Variants in ITGA11 observed in about 807,000 individuals in gnomAD.
ITGA11 encodes integrin alpha-11.
In ITGA11, 97 loss-of-function variants were observed where a neutral mutation model predicts 141.9. That is an observed-to-expected ratio of 0.68 (90% CI 0.58 to 0.81). ITGA11 has a LOEUF of 0.81. ITGA11 is among the 30% of genes least tolerant of loss of function. ITGA11 has a pLI of 0.00. For synonymous variants in ITGA11, 658 were observed against 624.6 expected, an observed-to-expected ratio of 1.05 and a Z score of -0.80; for missense variants, 1,387 against 1,559.2, an observed-to-expected ratio of 0.89 and a Z score of 1.86.
At chr15:68,351,193 C>T (rs923936644) in intron 8 of ITGA11, 65 bp downstream of exon 8, 6 of 1,572,936 alleles carry the variant, frequency 3.8e-6, no homozygotes, top group African/African-American at 1.3e-5. Flanking sequence ...CCTTGGAGTC[C>T]CCAGGGATTT....
chr15:68,318,383 C>T (rs987011484), intron 20 of ITGA11, among the ~76,000 whole-genome samples: 1 of 152,134 alleles, frequency 6.6e-6, no homozygotes, highest in Non-Finnish European at 1.5e-5. Context: ...CAGGGGAAGG[C>T]GGATGCTGGT....
intron 2 of ITGA11, among the ~76,000 whole-genome samples, chr15:68,402,133 T>C (rs923510711): frequency 2.0e-5 from 3 of 151,972 alleles, no homozygotes; most frequent in African/African-American, 7.3e-5. Flanking sequence ...ATCACGAGTG[T>C]TCATGTGGTC....
intron 2 of ITGA11, among the ~76,000 whole-genome samples, chr15:68,396,630 T>C (rs984245825): frequency 3.3e-5 from 5 of 151,296 alleles, no homozygotes; most frequent in South Asian, 4.1e-4. Context: ...TAAACAAAAC[T>C]GTAATTATTT....
chr15:68,309,520 A>G (rs1284261798), intron 26 of ITGA11, among the ~76,000 whole-genome samples: 5 of 152,072 alleles, frequency 3.3e-5, no homozygotes, highest in Admixed American at 2.0e-4. Flanking sequence ...TTTGTAAGCA[A>G]TGATACCAAC....
Position 68,303,337 on chromosome 15 carries a change from A to T in ITGA11, c.3496-207T>A, listed in dbSNP as rs1313817869. On this transcript the variant is annotated intron_variant, in intron 29 of 29. Coordinates refer to ENST00000315757, the MANE Select transcript of ITGA11 (RefSeq NM_001004439.2). This position sits in a 1 kb window ranked among gnomAD's most constrained non-coding sequence, Gnocchi z 5.3. ...CCATGGGCTGCATGCAAGAAGTCAT[A>T]CTAGTGCCCATCTTGCTGTGTGACC... Among the ~76,000 whole-genome samples the T allele has an allele frequency of 6.6e-6, 1 of 152,110 alleles. No homozygotes were observed.
In ITGA11 at chr15:68,301,782, T is replaced by C. The variant is rs1313822224; in HGVS notation, c.*1277A>G. 6.6e-6 allele frequency: 1 copy of C among 152,620 alleles called. No individual in the cohort carries two copies. Among genetic ancestry groups the C allele is most frequent in the African/African-American group, 2.4e-5 (1 of 41,448 alleles). 9.5% of individuals were successfully genotyped at this position (152,620 alleles called of 1,614,324 possible). A position where few individuals can be genotyped will look rare whatever the true frequency, so the allele number is the denominator to read the frequency against. ...TACTATGCACAGGGGGACTGATGCC[T>C]TTCATGTGTCCCCCTTGCATTTCTA... On this transcript the variant is annotated 3_prime_UTR_variant, in exon 30 of 30. Coordinates refer to ENST00000315757, the MANE Select transcript of ITGA11 (RefSeq NM_001004439.2). The surrounding 1 kb of genome is among the most constrained non-coding windows in gnomAD (Gnocchi z 4.4).
At chr15:68,315,557 C>T (rs968036850) in intron 22 of ITGA11, 94 bp downstream of exon 22, 32 of 1,042,202 alleles carry the variant, frequency 3.1e-5, no homozygotes, top group South Asian at 2.6e-4. Flanking sequence ...CGTGGGGCAG[C>T]GGACTCAGTG....
intron 1 of ITGA11, among the ~76,000 whole-genome samples, chr15:68,414,746 T>C (rs531166488): frequency 4.3e-4 from 66 of 152,306 alleles, no homozygotes; most frequent in Non-Finnish European, 6.9e-4. Flanking sequence ...AGATTGGCTT[T>C]TGGGACTGAG....
chr15:68,328,763 C>A lies in ITGA11; in HGVS notation c.1902-501G>T, dbSNP rs886523142. Among the ~76,000 whole-genome samples the A allele has an allele frequency of 1.6e-4, 24 of 152,238 alleles. No individual in the cohort carries two copies. Among genetic ancestry groups the A allele is most frequent in the Middle Eastern group, 3.4e-3 (1 of 294 alleles). ...ATCATGTTAAAATGCAGATTTTGAT[C>A]CAATAGCTTGGCACTGATTTTGCAT... On this transcript the variant is annotated intron_variant, in intron 15 of 29. Coordinates refer to ENST00000315757, the MANE Select transcript of ITGA11 (RefSeq NM_001004439.2). This position sits in a 1 kb window ranked among gnomAD's most constrained non-coding sequence, Gnocchi z 4.8.
At chr15:68,354,945 T>C (rs1298914333) in intron 7 of ITGA11, among the ~76,000 whole-genome samples, 2 of 152,212 alleles carry the variant, frequency 1.3e-5, no homozygotes, top group Non-Finnish European at 2.9e-5. Flanking sequence ...AGTTTGGGAC[T>C]TGAATTTGGA....
At chr15:68,427,122 C>G (rs1488048029) in intron 1 of ITGA11, among the ~76,000 whole-genome samples, 2 of 150,970 alleles carry the variant, frequency 1.3e-5, no homozygotes. Flanking sequence ...TTTTAACTTC[C>G]TATGTGTAAC....
At chr15:68,391,067 G>A (rs959405449) in intron 2 of ITGA11, among the ~76,000 whole-genome samples, 1 of 152,194 alleles carries the variant, frequency 6.6e-6, no homozygotes, top group Non-Finnish European at 1.5e-5. Flanking sequence ...CTGCCCATAC[G>A]ACAGAGAAGA....
intron 7 of ITGA11, among the ~76,000 whole-genome samples, chr15:68,355,448 T>C (rs912968919): frequency 6.9e-6 from 1 of 144,856 alleles, no homozygotes; most frequent in Non-Finnish European, 1.6e-5. Flanking sequence ...TCTTTTTTTC[T>C]TTTTTTCTTT....
In ITGA11 at chr15:68,303,811, G is replaced by GC. The variant is rs759623335; in HGVS notation, c.3455dup (p.Leu1153ProfsTer18). 1 of 1,612,902 alleles carries GC rather than the reference G, an allele frequency of 6.2e-7. No individual in the cohort carries two copies. Among genetic ancestry groups the GC allele is most frequent in the East Asian group, 2.2e-5 (1 of 44,810 alleles). ...GGACCAGCAGGGCCAGCAGTAGGAG[G>GC]CCCCCCAGGGTGCTGCCTACAATGA... On this transcript the variant is annotated frameshift_variant, in exon 29 of 30. Coordinates refer to ENST00000315757, the MANE Select transcript of ITGA11 (RefSeq NM_001004439.2). LOFTEE classifies it high-confidence loss of function. The surrounding 1 kb of genome is among the most constrained non-coding windows in gnomAD (Gnocchi z 5.3).
chr15:68,337,454 C>T (rs992405061), intron 11 of ITGA11, among the ~76,000 whole-genome samples: 4 of 152,196 alleles, frequency 2.6e-5, no homozygotes, highest in African/African-American at 9.7e-5. Context: ...CAGGAGGAAT[C>T]TTCCAGCAGG....
At chr15:68,358,408 G>A (rs1294014460) in intron 6 of ITGA11, 50 bp downstream of exon 6, 4 of 1,547,610 alleles carry the variant, frequency 2.6e-6, no homozygotes, top group African/African-American at 1.4e-5. Flanking sequence ...CACCTGCCAT[G>A]GGTTTGGGTG....
intron 14 of ITGA11, among the ~76,000 whole-genome samples, chr15:68,331,424 G>T (rs1438872984): frequency 6.6e-6 from 1 of 152,162 alleles, no homozygotes; most frequent in Non-Finnish European, 1.5e-5. Flanking sequence ...CTGATAAACC[G>T]TGTGGGCAAA....
In ITGA11 at chr15:68,311,108, A is replaced by C. The variant is rs745845970; in HGVS notation, c.3088-28T>G. On this transcript the variant is annotated intron_variant, in intron 25 of 29. Coordinates refer to ENST00000315757, the MANE Select transcript of ITGA11 (RefSeq NM_001004439.2). ...ACATAAAGGACATGGACACACACAC[A>C]CATACACAGCCTCACAACCAGCTCT... The C allele has an allele frequency of 3.2e-6, 5 of 1,548,870 alleles. No individual in the cohort carries two copies. The East Asian group carries it at 9.1e-5, about 28-fold the overall frequency.
rs1010700115 is a variant in ITGA11, at chr15:68,316,444, G to A, written c.2716-717C>T. On this transcript the variant is annotated intron_variant, in intron 21 of 29. Coordinates refer to ENST00000315757, the MANE Select transcript of ITGA11 (RefSeq NM_001004439.2). The stretch of plus-strand genomic sequence containing the variant: ...ACGAGGTTTCCCAGGAGACCTCAGC[G>A]GCCCCTTCTCTGCAGGAGTGGCTGG... Among the ~76,000 whole-genome samples the A allele has an allele frequency of 5.3e-5, 8 of 152,334 alleles. No individual in the cohort carries two copies. In the East Asian group the frequency reaches 5.8e-4, roughly 11 times the overall value.
Sources: gnomAD v4.1 joint callset for allele counts (sites outside exome capture counted in the v4.1 genomes callset) on GRCh38, gnomAD v4.1.1 for gene constraint, Gnocchi (gnomAD v3.1) non-coding constraint, MANE v1.5 for transcripts, NCBI Gene and HGNC (gene_info 2026-07-23, HGNC 2026-07-21) for gene names.